DCDC2: variants seen among roughly 807,000 people sequenced by gnomAD.
The protein encoded by DCDC2 is doublecortin domain-containing protein 2.
In DCDC2, 40 loss-of-function variants were observed where a neutral mutation model predicts 50.2. The observed-to-expected ratio is 0.80, with a 90% CI of 0.62 to 1.04. The LOEUF (loss-of-function observed/expected upper bound fraction) is 1.04. Among genes scored for constraint, DCDC2 ranks in the 50% least tolerant of loss-of-function variants. The pLI, the probability that DCDC2 is intolerant of heterozygous loss-of-function variation, is 0.00. For synonymous variants in DCDC2, 234 were observed against 210.6 expected (o/e 1.11, Z -0.96); for missense variants, 570 against 581.9 (o/e 0.98, Z 0.21).
intron 7 of DCDC2, among the ~76,000 whole-genome samples, chr6:24,263,739 A>G (rs1420322872): frequency 6.6e-6 from 1 of 152,192 alleles, no homozygotes; most frequent in Admixed American, 6.5e-5. Flanking sequence ...AGAACTAGAC[A>G]ATAGCCGCTA....
At chr6:24,359,394 TTATA>T (rs1438754549), upstream of DCDC2, among the ~76,000 whole-genome samples, 1 of 75,062 alleles carries the variant, frequency 1.3e-5, no homozygotes, top group Non-Finnish European at 2.2e-5. Context: ...ATATTATATA[TTATA>T]TATATTTTAT....
chr6:24,208,478 C>G (rs1761776318), intron 7 of DCDC2, among the ~76,000 whole-genome samples: 1 of 146,868 alleles, frequency 6.8e-6, no homozygotes, highest in Non-Finnish European at 1.5e-5. Flanking sequence ...TCACACCATT[C>G]TCCTGCCTCA....
At position 24,243,071 on chromosome 6, in the gene DCDC2, C is replaced by G. The variant is rs1017500037; in HGVS notation, c.922+34978G>C. ...AGTCAAGACAGCTTGGGAGTCCACC[C>G]TCTGAGGTATTTCATCTGTCCAAAC... On this transcript the variant is annotated intron_variant, in intron 7 of 9. Transcript: ENST00000378454. Among the ~76,000 whole-genome samples, 5 of 152,300 alleles carry G rather than the reference C, an allele frequency of 3.3e-5. No individual in the cohort carries two copies. In the South Asian group the frequency reaches 6.2e-4, roughly 19 times the overall value.
At chr6:24,257,450 AACACCTGCTGTTGTAAT>A (rs1762917597) in intron 7 of DCDC2, among the ~76,000 whole-genome samples, 1 of 152,160 alleles carries the variant, frequency 6.6e-6, no homozygotes, top group Non-Finnish European at 1.5e-5. Flanking sequence ...GTTCAATTAC[AACACCTGCTGTTGTAAT>A]ACACCTGCTG....
At chr6:24,180,918 T>C (rs1337819374) in intron 8 of DCDC2, among the ~76,000 whole-genome samples, 1 of 152,220 alleles carries the variant, frequency 6.6e-6, no homozygotes, top group Non-Finnish European at 1.5e-5. Flanking sequence ...TTGGAACTAG[T>C]AATAATTCTT....
chr6:24,216,627 G>A (rs1761989355), intron 7 of DCDC2, among the ~76,000 whole-genome samples: 1 of 152,254 alleles, frequency 6.6e-6, no homozygotes, highest in African/African-American at 2.4e-5. Flanking sequence ...GACAGTCAGG[G>A]ATGAAAGGGG....
intron 2 of DCDC2, among the ~76,000 whole-genome samples, chr6:24,329,148 C>T (rs924338841): frequency 2.0e-5 from 3 of 152,002 alleles, no homozygotes; most frequent in African/African-American, 7.3e-5. Context: ...TCCCTACTGA[C>T]GGAAACACAT....
At chr6:24,373,842 G>T in the DCDC2 span, among the ~76,000 whole-genome samples, 1 of 152,148 alleles carries the variant, frequency 6.6e-6, no homozygotes, top group Non-Finnish European at 1.5e-5. Flanking sequence ...CATTTAGAAG[G>T]AAGAAAGTGG....
intron 9 of DCDC2, among the ~76,000 whole-genome samples, chr6:24,177,379 C>T (rs1299100332): frequency 1.3e-5 from 2 of 152,190 alleles, no homozygotes; most frequent in East Asian, 3.8e-4. Context: ...TTTGCCACCG[C>T]TAAACTTGCT....
intron 8 of DCDC2, among the ~76,000 whole-genome samples, chr6:24,196,619 A>G (rs1275420246): frequency 6.6e-6 from 1 of 152,084 alleles, no homozygotes; most frequent in Non-Finnish European, 1.5e-5. Context: ...ACCAGGTTTC[A>G]CCGTGTTGGC....
Position 24,291,084 on chromosome 6 carries a change from G to A in DCDC2, c.558-6C>T, listed in dbSNP as rs45520331. ...TTCCTTCTAAAGTATAAAGCCTGTC[G>A]AAAATATGAACACCAACAATTAGAA... On this transcript the variant is annotated splice_region_variant and splice_polypyrimidine_tract_variant and intron_variant, in intron 4 of 9. Coordinates refer to ENST00000378454, the MANE Select transcript of DCDC2 (RefSeq NM_016356.5). 135 of 1,605,400 alleles carry A rather than the reference G, an allele frequency of 8.4e-5. No homozygotes were observed. The highest frequency in any genetic ancestry group is 1.7e-4 in the Middle Eastern group (1 of 6,048).
At chr6:24,242,342 C>T (rs1475256209) in intron 7 of DCDC2, among the ~76,000 whole-genome samples, 7 of 152,084 alleles carry the variant, frequency 4.6e-5, no homozygotes, top group South Asian at 2.1e-4. Context: ...TTCAGCCCAT[C>T]GCCTGCACTG....
At chr6:24,378,031 T>C in the DCDC2 span, among the ~76,000 whole-genome samples, 182 of 152,358 alleles carry the variant, frequency 1.2e-3, 2 homozygotes, top group Non-Finnish European at 8.4e-4. Flanking sequence ...CAGCACATTG[T>C]ATGCACCAAA....
chr6:24,372,327 G>A, the DCDC2 span, among the ~76,000 whole-genome samples: 24 of 152,132 alleles, frequency 1.6e-4, no homozygotes, highest in African/African-American at 5.1e-4. Context: ...GCTGAGGCAG[G>A]AGAATGGCGT....
chr6:24,172,428 T>C lies in DCDC2; in HGVS notation c.*2302A>G, dbSNP rs1005264065. ...ATATTTAAAATACCAAACGTTATTA[T>C]TCATGTAAAATATCAATGTTGTGCT... On this transcript the variant is annotated 3_prime_UTR_variant, in exon 10 of 10. Coordinates refer to ENST00000378454, the MANE Select transcript of DCDC2 (RefSeq NM_016356.5). The C allele has an allele frequency of 6.6e-6, 1 of 152,176 alleles. No homozygotes were observed. The highest frequency in any genetic ancestry group is 2.4e-5 in the African/African-American group (1 of 41,450). The allele number at this position is 152,176 out of a possible 1,614,324, so 9.4% of individuals were successfully genotyped here. A position where few individuals can be genotyped will look rare whatever the true frequency, so the allele number is the denominator to read the frequency against.
chr6:24,346,303 A>G (rs576625470), intron 2 of DCDC2, among the ~76,000 whole-genome samples: 5 of 152,332 alleles, frequency 3.3e-5, no homozygotes, highest in African/African-American at 9.6e-5. Context: ...GGGAAAAAAG[A>G]AAGAAGTCAC....
chr6:24,287,589 C>T (rs555181087), intron 6 of DCDC2, among the ~76,000 whole-genome samples: 1 of 152,302 alleles, frequency 6.6e-6, no homozygotes, highest in South Asian at 2.1e-4. Context: ...TAGTGTTGAG[C>T]CCACAAGGGC....
intron 2 of DCDC2, 89 bp downstream of exon 2, chr6:24,353,480 G>T: frequency 1.3e-6 from 1 of 783,030 alleles, no homozygotes. Flanking sequence ...ACTCATCAAA[G>T]TAGAATGCCG....
chr6:24,308,626 G>T (rs1259652602), intron 2 of DCDC2, among the ~76,000 whole-genome samples: 1 of 152,132 alleles, frequency 6.6e-6, no homozygotes, highest in African/African-American at 2.4e-5. Context: ...TCATGATATT[G>T]AAATTAGCAA....
Sources: allele counts gnomAD v4.1 joint callset (sites outside exome capture counted in the v4.1 genomes callset), GRCh38; gene constraint gnomAD v4.1.1; transcripts MANE v1.5; gene names NCBI Gene and HGNC (gene_info 2026-07-23, HGNC 2026-07-21).